Variants in THYN1 observed in about 807,000 individuals in gnomAD.
The protein encoded by THYN1 is thymocyte protein thy28.
Under a neutral mutation model 30.6 loss-of-function variants are expected in THYN1, and 32 were observed. The ratio of observed to expected loss-of-function variants is 1.05; its 90% confidence interval spans 0.79 to 1.40. The LOEUF (loss-of-function observed/expected upper bound fraction) is 1.40. THYN1 is among the 40% of genes most tolerant of loss of function. The probability of loss-of-function intolerance (pLI) is 0.00; values close to 1 mark genes in which losing one functional copy is unlikely to be tolerated. For synonymous variants in THYN1, 107 were observed against 90.8 expected (o/e 1.18, Z -1.01); for missense variants, 259 against 272.6 (o/e 0.95, Z 0.35).
At chr11:134,248,573 A>G (rs1029861807) in intron 6 of THYN1, 89 bp from the exon 7 acceptor site, 9 of 1,517,646 alleles carry the variant, frequency 5.9e-6, no homozygotes, top group Admixed American at 1.7e-5. Context: ...TACATCTTAC[A>G]TGGTACTAAG....
At chr11:134,250,480 G>T in intron 2 of THYN1, 137 bp from the exon 3 acceptor site, 2 of 890,082 alleles carry the variant, frequency 2.2e-6, no homozygotes, top group South Asian at 1.7e-5. Context: ...ACCGGGAAGT[G>T]GCTCCACAGA....
At position 134,248,408 on chromosome 11, in the gene THYN1, G is replaced by T. The variant is rs569044762; in HGVS notation, c.*30C>A. The T allele has an allele frequency of 1.7e-5, 28 of 1,613,956 alleles. No individual in the cohort carries two copies. In the South Asian group the frequency reaches 3.1e-4, roughly 18 times the overall value. ...AAAAGCTTGACTTCTTTGCAGCAAT[G>T]TCTCGCCCATTCCAGCAGCAGTATC... On this transcript the variant is annotated 3_prime_UTR_variant, in exon 7 of 7. Transcript: ENST00000341541.
At position 134,252,927 on chromosome 11, in the gene THYN1, C is replaced by T; in HGVS notation, c.-45G>A. Reference sequence around the variant, plus strand: ...TTAGTGCGGACGATTCTGGAATCAACGGAGATACAAGAAAGAATGCTAATG... The same window carrying T: ...TTAGTGCGGACGATTCTGGAATCAATGGAGATACAAGAAAGAATGCTAATG... On this transcript the variant is annotated 5_prime_UTR_variant, in exon 1 of 7. Coordinates refer to ENST00000341541, the MANE Select transcript of THYN1 (RefSeq NM_014174.3). The T allele has an allele frequency of 2.0e-6, 3 of 1,536,322 alleles. No homozygotes were observed. The highest frequency in any genetic ancestry group is 1.2e-5 in the South Asian group (1 of 82,016).
Position 134,251,129 on chromosome 11 carries a change from CCTT to C in THYN1, c.220_222del (p.Lys74del). 6.2e-7 allele frequency: 1 copy of C among 1,610,172 alleles called. No homozygotes were observed. The highest frequency in any genetic ancestry group is 1.3e-5 in the African/African-American group (1 of 74,838). On this transcript the variant is annotated inframe_deletion and splice_region_variant, in exon 2 of 7. Coordinates refer to ENST00000341541, the MANE Select transcript of THYN1 (RefSeq NM_014174.3). ...GACTGGAGACAGGTCAAGGGTCTCA[CCTT>C]CACATCTACACCTTTCTCTAGGCGG...
chr11:134,249,662 T>C (rs957658191), intron 4 of THYN1, among the ~76,000 whole-genome samples, 166 bp downstream of exon 4: 1 of 149,558 alleles, frequency 6.7e-6, no homozygotes, highest in African/African-American at 2.4e-5. Flanking sequence ...CTTTGAGTTA[T>C]CAGATAGGAA....
At position 134,248,916 on chromosome 11, in the gene THYN1, A is replaced by G. The variant is rs762806982; in HGVS notation, c.524T>C (p.Leu175Pro). The G allele has an allele frequency of 3.1e-6, 5 of 1,614,228 alleles. No individual in the cohort carries two copies. The highest frequency in any genetic ancestry group is 4.2e-6 in the Non-Finnish European group (5 of 1,180,042). The change falls in exon 6 of 7, where the codon CTG becomes CCG. Residue 175 changes from leucine to proline, a missense_variant. Transcript: ENST00000341541. ...TTGATGATAGGATTTGAGCTCAGCC[A>G]GGGGAATGAAACGTTTCATCATCCG... ...FVRMMKRFIP[L>P]AELKSYHQAH...
intron 3 of THYN1, 75 bp from the exon 4 acceptor site, chr11:134,249,995 GCTTTTAAT>G: frequency 7.0e-7 from 1 of 1,419,178 alleles, no homozygotes; most frequent in Non-Finnish European, 9.7e-7. Flanking sequence ...AATCAAGTCT[GCTTTTAAT>G]AGATGGGTGA....
chr11:134,251,396 G>A, intron 1 of THYN1, 88 bp from the exon 2 acceptor site: 3 of 1,414,230 alleles, frequency 2.1e-6, no homozygotes, highest in African/African-American at 1.4e-5. Context: ...AGTCAGACCT[G>A]GATTCAAATC....
Position 134,251,318 on chromosome 11 carries a change from G to C in THYN1, c.44-10C>G. 1 of 1,594,754 alleles carries C rather than the reference G, an allele frequency of 6.3e-7. No individual in the cohort carries two copies. The highest frequency in any genetic ancestry group is 2.2e-5 in the East Asian group (1 of 44,510). On this transcript the variant is annotated splice_polypyrimidine_tract_variant and intron_variant, in intron 1 of 6. Coordinates refer to ENST00000341541, the MANE Select transcript of THYN1 (RefSeq NM_014174.3). ...CCTGATAGTCCCTTGTCTGCAATAGGAGAAGCAAAAAGAAAAGATCATGCT... is the reference window on the plus strand; with the variant it reads ...CCTGATAGTCCCTTGTCTGCAATAGCAGAAGCAAAAAGAAAAGATCATGCT...
Position 134,252,935 on chromosome 11 carries a change from C to G in THYN1, c.-53G>C. 3.9e-6 allele frequency: 6 copies of G among 1,530,378 alleles called. No individual in the cohort carries two copies. The highest frequency in any genetic ancestry group is 2.8e-5 in the African/African-American group (2 of 70,618). 94.8% of individuals were successfully genotyped at this position (1,530,378 alleles called of 1,614,324 possible). On this transcript the variant is annotated 5_prime_UTR_variant, in exon 1 of 7. Coordinates refer to ENST00000341541, the MANE Select transcript of THYN1 (RefSeq NM_014174.3). The stretch of plus-strand genomic sequence containing the variant: ...GACGATTCTGGAATCAACGGAGATA[C>G]AAGAAAGAATGCTAATGTCCTCCAA...
Position 134,249,982 on chromosome 11 carries a change from A to G in THYN1, c.292-62T>C. 3 of 1,519,874 alleles carry G rather than the reference A, an allele frequency of 2.0e-6. No individual in the cohort carries two copies. In the Admixed American group the frequency reaches 5.6e-5, roughly 28 times the overall value. The allele number at this position is 1,519,874 out of a possible 1,614,324, so 94.1% of individuals were successfully genotyped here. ...CAGCTGGAAAGTACTAGCTTTTAGCAGAAATCAAGTCTGCTTTTAATAGAT... is the reference window on the plus strand; with the variant it reads ...CAGCTGGAAAGTACTAGCTTTTAGCGGAAATCAAGTCTGCTTTTAATAGAT... On this transcript the variant is annotated intron_variant, in intron 3 of 6. Transcript: ENST00000341541.
In THYN1 at chr11:134,249,200, T is replaced by C. The variant is rs758606098; in HGVS notation, c.447A>G (p.Pro149=). 2.5e-6 allele frequency: 4 copies of C among 1,614,166 alleles called. No homozygotes were observed. The highest frequency in any genetic ancestry group is 2.2e-5 in the East Asian group (1 of 44,878). The change falls in exon 5 of 7, where the codon CCA becomes CCG. Residue 149 remains proline, a synonymous_variant. Coordinates refer to ENST00000341541, the MANE Select transcript of THYN1 (RefSeq NM_014174.3). Reference sequence around the variant, plus strand: ...ACTTAGGGTTGTCCTCTTTGCTAGATGGGTCATAATGGGGATTGTTTTTCT... The same window carrying C: ...ACTTAGGGTTGTCCTCTTTGCTAGACGGGTCATAATGGGGATTGTTTTTCT... ...QFEKNNPHYD[P]SSKEDNPKWS...
chr11:134,249,034 A>G (rs1482430634), intron 5 of THYN1, 75 bp from the exon 6 acceptor site: 4 of 1,586,110 alleles, frequency 2.5e-6, no homozygotes, highest in African/African-American at 1.3e-5. Context: ...AACCGCCCAC[A>G]GGAAGCTCCT....
In THYN1 at chr11:134,252,552, T is replaced by C. The variant is rs547013909; in HGVS notation, c.43+288A>G. ...ATCCATTTTCCTGAACCCCATCACA[T>C]CTGTTTGCAGTTCACCCGCAAGCAG... On this transcript the variant is annotated intron_variant, in intron 1 of 6. Coordinates refer to ENST00000341541, the MANE Select transcript of THYN1 (RefSeq NM_014174.3). 3.5e-4 allele frequency among the ~76,000 whole-genome samples: 54 copies of C among 152,280 alleles called. 1 individual carries two copies. Among genetic ancestry groups the C allele is most frequent in the Admixed American group, 7.8e-4 (12 of 15,300 alleles).
Position 134,249,633 on chromosome 11 carries a change from G to A in THYN1, c.384+195C>T, listed in dbSNP as rs116301974. Among the ~76,000 whole-genome samples, 1,328 of 152,136 alleles carry A rather than the reference G, an allele frequency of 8.7e-3. 20 individuals carry two copies. Among genetic ancestry groups the A allele is most frequent in the African/African-American group, 0.03 (1,239 of 41,478 alleles). On this transcript the variant is annotated intron_variant, in intron 4 of 6. Coordinates refer to ENST00000341541, the MANE Select transcript of THYN1 (RefSeq NM_014174.3). ...AGGTGGAGTGAAGTCTGTGCTAGTC[G>A]GACCTGAATGAAGGCCTGCTTTGAG...
chr11:134,250,569 ATAATC>A lies in THYN1; in HGVS notation c.223-231_223-227del, dbSNP rs201514128. ...CTAATTATGAGGATTAGCTGAATGA[ATAATC>A]TAGGTGATAAAGTAATCTGCTAGTT... On this transcript the variant is annotated intron_variant, in intron 2 of 6. Coordinates refer to ENST00000341541, the MANE Select transcript of THYN1 (RefSeq NM_014174.3). 8.5e-5 allele frequency among the ~76,000 whole-genome samples: 13 copies of A among 152,310 alleles called. No homozygotes were observed. The East Asian group carries it at 2.3e-3, about 27-fold the overall frequency.
chr11:134,249,748 T>A, intron 4 of THYN1, 80 bp downstream of exon 4: 1 of 1,398,474 alleles, frequency 7.2e-7, no homozygotes, highest in Non-Finnish European at 9.9e-7. Flanking sequence ...TGTTGCCTAA[T>A]TAAGGTATAT....
At chr11:134,250,127 T>C in intron 3 of THYN1, 148 bp downstream of exon 3, 1 of 973,416 alleles carries the variant, frequency 1.0e-6, no homozygotes, top group East Asian at 2.6e-5. Context: ...TCATGCAGAG[T>C]ACTTAAGGCA....
At chr11:134,249,753 G>T (rs111568257) in intron 4 of THYN1, 75 bp downstream of exon 4, 1 of 1,432,116 alleles carries the variant, frequency 7.0e-7, no homozygotes. Flanking sequence ...CCTAATTAAG[G>T]TATATCCCTT....
Sources: gnomAD v4.1 joint callset for allele counts (sites outside exome capture counted in the v4.1 genomes callset) on GRCh38, gnomAD v4.1.1 for gene constraint, MANE v1.5 for transcripts, NCBI Gene and HGNC (gene_info 2026-07-23, HGNC 2026-07-21) for gene names.